CSRNP1: variants seen among roughly 807,000 people sequenced by gnomAD.
CSRNP1 encodes the protein cysteine/serine-rich nuclear protein 1.
In CSRNP1, 8 loss-of-function variants were observed where a neutral mutation model predicts 25.0. That is an observed-to-expected ratio of 0.32 (90% confidence interval 0.19 to 0.58). The LOEUF (loss-of-function observed/expected upper bound fraction) is 0.58, where lower values mean the gene tolerates loss of function less well. CSRNP1 is among the 20% of genes least tolerant of loss of function. CSRNP1 has a pLI of 0.88. For missense variants in CSRNP1, 691 were observed against 773.1 expected (o/e 0.89, Z 1.26); for synonymous variants, 305 against 303.1 (o/e 1.01, Z -0.06).
Position 39,146,464 on chromosome 3 carries a change from G to T in CSRNP1, c.205+14C>A. 1 of 1,523,592 alleles carries T rather than the reference G, an allele frequency of 6.6e-7. No individual in the cohort carries two copies. The highest frequency in any genetic ancestry group is 1.2e-5 in the South Asian group (1 of 80,252). 94.4% of individuals were successfully genotyped at this position (1,523,592 alleles called of 1,614,324 possible). On this transcript the variant is annotated intron_variant, in intron 2 of 4. Coordinates refer to ENST00000273153, the MANE Select transcript of CSRNP1 (RefSeq NM_033027.4). The stretch of plus-strand genomic sequence containing the variant: ...CAGGCAGGTGATGGAGTTCCCAGGG[G>T]AGGGAGTACTCACGGGTGAAACTTC...
At chr3:39,153,857 A>T (rs952473455), upstream of CSRNP1, 12 of 152,018 alleles carry the variant, frequency 7.9e-5, no homozygotes, top group Non-Finnish European at 1.6e-4. Context: ...ACGGTCCCTA[A>T]AGGCGCGGAC....
intron 2 of CSRNP1, among the ~76,000 whole-genome samples, chr3:39,145,780 A>G (rs766225629): frequency 6.6e-6 from 1 of 152,236 alleles, no homozygotes; most frequent in Non-Finnish European, 1.5e-5. Context: ...ATTCCCTTCT[A>G]AAAGGTTTTC....
chr3:39,142,770 T>G lies in CSRNP1; in HGVS notation c.*285A>C, dbSNP rs533874019. On this transcript the variant is annotated 3_prime_UTR_variant, in exon 5 of 5. Coordinates refer to ENST00000273153, the MANE Select transcript of CSRNP1 (RefSeq NM_033027.4). ...TCTGCCAAGCTCCAGAGGAGCCACA[T>G]TTTCTCCTCTTCCAGGCTCACGTTG... 5 of 312,318 alleles carry G rather than the reference T, an allele frequency of 1.6e-5. No homozygotes were observed. The highest frequency in any genetic ancestry group is 3.0e-5 in the Non-Finnish European group (5 of 168,760). 19.3% of individuals were successfully genotyped at this position (312,318 alleles called of 1,614,324 possible).
At position 39,144,993 on chromosome 3, in the gene CSRNP1, C is replaced by T. The variant is rs1449614634; in HGVS notation, c.465+4G>A. On this transcript the variant is annotated splice_donor_region_variant and intron_variant, in intron 3 of 4. Coordinates refer to ENST00000273153, the MANE Select transcript of CSRNP1 (RefSeq NM_033027.4). ...AGGTGCGCCACGGAGAGGACTCTCTCTACCTTCCACTGCAGCATCTCCAAC... is the reference window on the plus strand; with the variant it reads ...AGGTGCGCCACGGAGAGGACTCTCTTTACCTTCCACTGCAGCATCTCCAAC... The T allele has an allele frequency of 6.2e-7, 1 of 1,604,364 alleles. No individual in the cohort carries two copies. Among genetic ancestry groups the T allele is most frequent in the East Asian group, 2.2e-5 (1 of 44,714 alleles).
intron 1 of CSRNP1, chr3:39,150,803 CAG>C (rs2039570331): frequency 6.6e-6 from 1 of 152,258 alleles, no homozygotes; most frequent in South Asian, 2.1e-4. Flanking sequence ...GACAGGGAAA[CAG>C]AGACACAGGG....
In CSRNP1 at chr3:39,143,865, T is replaced by C. The variant is rs1266678195; in HGVS notation, c.960A>G (p.Pro320=). ...RELEAPAQGS[P]PSPGEEALVP... The stretch of plus-strand genomic sequence containing the variant: ...CCAGGGCCTCCTCACCAGGGCTGGG[T>C]GGGCTGCCCTGGGCAGGGGCCTCCA... Residue 320 remains proline, a synonymous_variant, in exon 5 of 5, where the codon CCA becomes CCG. Coordinates refer to ENST00000273153, the MANE Select transcript of CSRNP1 (RefSeq NM_033027.4). The C allele has an allele frequency of 1.9e-6, 3 of 1,614,150 alleles. No individual in the cohort carries two copies. In the East Asian group the frequency reaches 6.7e-5, roughly 36 times the overall value.
chr3:39,149,155 C>G (rs566565396), intron 1 of CSRNP1: 1 of 150,414 alleles, frequency 6.6e-6, no homozygotes, highest in South Asian at 2.1e-4. Flanking sequence ...CCTGGATGCA[C>G]ACGACACAGA....
chr3:39,146,395 A>C (rs1575576875), intron 2 of CSRNP1, 83 bp downstream of exon 2: 1 of 1,452,868 alleles, frequency 6.9e-7, no homozygotes, highest in Non-Finnish European at 9.1e-7. Flanking sequence ...CCAGAGGCCA[A>C]AGGCATTTGG....
chr3:39,143,249 A>G lies in CSRNP1; in HGVS notation c.1576T>C (p.Ser526Pro). The change falls in exon 5 of 5, where the codon TCT becomes CCT. Residue 526 changes from serine to proline, a missense_variant. Coordinates refer to ENST00000273153, the MANE Select transcript of CSRNP1 (RefSeq NM_033027.4). ...GCCTCGATGTTGTCCAGGCTGTCAG[A>G]CACCTTCTGTGATGTGTAGTGAGGC... ...LGPHYTSQKVSDSLDNIEAPH... is the reference protein window; with the variant it reads ...LGPHYTSQKVPDSLDNIEAPH... The G allele has an allele frequency of 6.2e-7, 1 of 1,614,130 alleles. No individual in the cohort carries two copies. The highest frequency in any genetic ancestry group is 8.5e-7 in the Non-Finnish European group (1 of 1,180,010).
intron 1 of CSRNP1, chr3:39,148,558 C>T (rs2039546358): frequency 6.6e-6 from 1 of 152,456 alleles, no homozygotes; most frequent in African/African-American, 2.4e-5. Context: ...GCCCAACCAT[C>T]CCCTAGAAAC....
At chr3:39,150,540 AT>A in intron 1 of CSRNP1, 1 of 152,276 alleles carries the variant, frequency 6.6e-6, no homozygotes, top group East Asian at 1.9e-4. Context: ...TCACATGTCT[AT>A]CCCCCAGCTG....
chr3:39,144,122 G>A lies in CSRNP1; in HGVS notation c.780+15C>T. On this transcript the variant is annotated intron_variant, in intron 4 of 4. Transcript: ENST00000273153. ...CCCCACGCTCAGGATCCCCATCCCAGTCCAGCCACCACACCTGGCACTTGA... is the reference window on the plus strand; with the variant it reads ...CCCCACGCTCAGGATCCCCATCCCAATCCAGCCACCACACCTGGCACTTGA... The A allele has an allele frequency of 1.2e-6, 2 of 1,610,228 alleles. No homozygotes were observed. The highest frequency in any genetic ancestry group is 1.7e-6 in the Non-Finnish European group (2 of 1,177,734).
At position 39,144,034 on chromosome 3, in the gene CSRNP1, G is replaced by A. The variant is rs375810664; in HGVS notation, c.791C>T (p.Thr264Ile). 5.5e-5 allele frequency: 88 copies of A among 1,611,440 alleles called. No individual in the cohort carries two copies. Among genetic ancestry groups the A allele is most frequent in the Non-Finnish European group, 7.3e-5 (86 of 1,179,696 alleles). ...CCTGCAGCAGCCACAGGGGAATGCT[G>A]TGTGGTCCATCTGCAGAGAAAAGTA... ...LAGIKCQMDH[T>I]AFPCGCCREG... The change falls in exon 5 of 5, where the codon ACA becomes ATA. Residue 264 changes from threonine (T) to isoleucine (I), a missense_variant. Transcript: ENST00000273153.
At chr3:39,145,911 TG>T (rs1195272103) in intron 2 of CSRNP1, among the ~76,000 whole-genome samples, 1 of 152,082 alleles carries the variant, frequency 6.6e-6, no homozygotes, top group African/African-American at 2.4e-5. Context: ...AATTTCATGG[TG>T]GGGGATAATT....
In CSRNP1 at chr3:39,143,571, G is replaced by T; in HGVS notation, c.1254C>A (p.Asp418Glu). The stretch of plus-strand genomic sequence containing the variant: ...CAGCTGGATGGAAGCAGCTGAGGTT[G>T]TCCAGGTTCCCCACGCTCCCTTCCT... Reference protein sequence around the residue: ...EEEEGSVGNLDNLSCFHPADI... With the variant: ...EEEEGSVGNLENLSCFHPADI... Residue 418 changes from aspartate (D) to glutamate (E), a missense_variant, in exon 5 of 5, where the codon GAC becomes GAA. Coordinates refer to ENST00000273153, the MANE Select transcript of CSRNP1 (RefSeq NM_033027.4). The T allele has an allele frequency of 1.2e-6, 2 of 1,614,228 alleles. No individual in the cohort carries two copies. The highest frequency in any genetic ancestry group is 1.7e-6 in the Non-Finnish European group (2 of 1,180,042).
intron 2 of CSRNP1, 116 bp downstream of exon 2, chr3:39,146,362 C>T: frequency 7.7e-7 from 1 of 1,295,114 alleles, no homozygotes. Flanking sequence ...CTCATGAGAG[C>T]TACCGCCATG....
At chr3:39,151,765 G>C (rs1485270971) in intron 1 of CSRNP1, 1 of 152,310 alleles carries the variant, frequency 6.6e-6, no homozygotes, top group Non-Finnish European at 1.5e-5. Context: ...CAGACCGAAA[G>C]CCTTGGCACC....
At chr3:39,148,968 T>C (rs923270203) in intron 1 of CSRNP1, 1 of 152,284 alleles carries the variant, frequency 6.6e-6, no homozygotes, top group African/African-American at 2.4e-5. Context: ...CTTGGCTGGG[T>C]AATCCTGGGC....
chr3:39,146,589 A>G lies in CSRNP1; in HGVS notation c.94T>C (p.Ser32Pro). ...GAGACAGAAGAGCTTGGGGAGCAGG[A>G]GCGAGACTGGCACCCAGAGGAAGAG... ...SSSSSGCQSR[S>P]CSPSSSVSRA... The change falls in exon 2 of 5, where the codon TCC (serine) becomes CCC (proline). Residue 32 changes from serine to proline, a missense_variant. Ser to Pro is a moderately conservative substitution (Grantham distance 74, BLOSUM62 -1). Transcript: ENST00000273153. The G allele has an allele frequency of 1.3e-6, 2 of 1,563,340 alleles. No individual in the cohort carries two copies. The highest frequency in any genetic ancestry group is 2.4e-5 in the South Asian group (2 of 84,750).
Sources: gnomAD v4.1 joint callset for allele counts (sites outside exome capture counted in the v4.1 genomes callset) on GRCh38, gnomAD v4.1.1 for gene constraint, MANE v1.5 for transcripts, NCBI Gene and HGNC (gene_info 2026-07-23, HGNC 2026-07-21) for gene names.